Variants in CTU2 observed in about 807,000 individuals in gnomAD.
The protein encoded by CTU2 is cytosolic thiouridylase subunit 2, also known as cytoplasmic tRNA 2-thiolation protein 2.
Under a neutral mutation model 64.1 loss-of-function variants are expected in CTU2, and 80 were observed. The ratio of observed to expected loss-of-function variants is 1.25; its 90% CI spans 1.04 to 1.50. CTU2 has a LOEUF of 1.50. Ranked by LOEUF, CTU2 falls within the 40% of genes most tolerant of loss-of-function variation. The probability of loss-of-function intolerance (pLI) is 0.00; values close to 1 mark genes in which losing one functional copy is unlikely to be tolerated. For missense variants in CTU2, 1,110 were observed against 690.2 expected, an observed-to-expected ratio of 1.61 and a Z score of -6.81; for synonymous variants, 482 against 285.3, an observed-to-expected ratio of 1.69 and a Z score of -6.95.
intron 2 of CTU2, among the ~76,000 whole-genome samples, chr16:88,708,102 C>T (rs1392661250): frequency 6.6e-6 from 1 of 152,208 alleles, no homozygotes; most frequent in African/African-American, 2.4e-5. Context: ...GCATGAGCCA[C>T]CACACCTGGC....
rs1301567993 is a variant in CTU2, at chr16:88,714,625, C to T, written c.1240C>T (p.Leu414Phe). 6 of 1,612,652 alleles carry T rather than the reference C, an allele frequency of 3.7e-6. No homozygotes were observed. Among genetic ancestry groups the T allele is most frequent in the East Asian group, 4.5e-5 (2 of 44,866 alleles). The change falls in exon 12 of 15, where the codon CTC becomes TTC. Residue 414 changes from leucine to phenylalanine, a missense_variant. By Grantham distance (22) the Leu-to-Phe change is conservative (BLOSUM62 0). Transcript: ENST00000453996. The part of the protein sequence containing the change: ...TAFGAQTSSR[L>F]SQMQSPIPLT... ...TTTTGGGGCTCAGACCTCCTCGCGTCTCTCCCAGATGCAGTCACCCATCCC... is the reference window on the plus strand; with the variant it reads ...TTTTGGGGCTCAGACCTCCTCGCGTTTCTCCCAGATGCAGTCACCCATCCC...
rs752182695 is a variant in CTU2 at position 88,713,718 on chromosome 16, C to T, written c.945C>T (p.Val315=). The T allele has an allele frequency of 1.5e-5, 24 of 1,612,558 alleles. No individual in the cohort carries two copies. The highest frequency in any genetic ancestry group is 2.7e-5 in the African/African-American group (2 of 74,928). Residue 315 remains valine (V), a synonymous_variant, in exon 9 of 15, where the codon GTC becomes GTT. Coordinates refer to ENST00000453996, the MANE Select transcript of CTU2 (RefSeq NM_001012759.3). ...TGCGGGACCACACCCTGAAGGAGGT[C>T]GCTTTCTACAACCGCCTGTTCTCCG... ...RPMRDHTLKE[V]AFYNRLFSVP...
In CTU2 at chr16:88,714,731, G is replaced by T. The variant is rs1179273045; in HGVS notation, c.1346G>T (p.Cys449Phe). The change falls in exon 12 of 15, where the codon TGC (cysteine) becomes TTC (phenylalanine). Residue 449 changes from cysteine (C) to phenylalanine (F), a missense_variant. Transcript: ENST00000453996. ...GWAQRCGQGACRREDPQACIE... is the reference protein window; with the variant it reads ...GWAQRCGQGAFRREDPQACIE... Reference sequence around the variant, plus strand: ...GCCCAGCGCTGTGGCCAGGGGGCCTGCAGGAGGTGAGTCCCTGTCCCTGCC... The same window carrying T: ...GCCCAGCGCTGTGGCCAGGGGGCCTTCAGGAGGTGAGTCCCTGTCCCTGCC... The T allele has an allele frequency of 1.2e-6, 2 of 1,607,344 alleles. No individual in the cohort carries two copies. Among genetic ancestry groups the T allele is most frequent in the African/African-American group, 2.7e-5 (2 of 74,802 alleles).
rs1223025667 is a variant in CTU2 at position 88,713,739 on chromosome 16, C to G, written c.966C>G (p.Phe322Leu). The change falls in exon 9 of 15, where the codon TTC becomes TTG. Residue 322 changes from phenylalanine (F) to leucine (L), a missense_variant. Coordinates refer to ENST00000453996, the MANE Select transcript of CTU2 (RefSeq NM_001012759.3). ...AGGTCGCTTTCTACAACCGCCTGTT[C>G]TCCGTTCCTTCTGTCTTCACACCAG... ...LKEVAFYNRL[F>L]SVPSVFTPAV... 8 of 1,612,714 alleles carry G rather than the reference C, an allele frequency of 5.0e-6. No individual in the cohort carries two copies. In the Admixed American group the frequency reaches 5.0e-5, roughly 10 times the overall value.
Position 88,712,797 on chromosome 16 carries a change from C to A in CTU2, c.629C>A (p.Pro210His). The A allele has an allele frequency of 6.2e-7, 1 of 1,608,086 alleles. No homozygotes were observed. The highest frequency in any genetic ancestry group is 8.5e-7 in the Non-Finnish European group (1 of 1,177,956). Reference sequence around the variant, plus strand: ...CAGCCACCCCAGCCCCCGCTGGACCCCCAGAACCTGGCAAGACCGCCTGCC... The same window carrying A: ...CAGCCACCCCAGCCCCCGCTGGACCACCAGAACCTGGCAAGACCGCCTGCC... ...EEQPPQPPLD[P>H]QNLARPPAPA... Residue 210 changes from proline to histidine, a missense_variant, in exon 7 of 15, where the codon CCC (proline) becomes CAC (histidine). By Grantham distance (77) the Pro-to-His change is moderately conservative. Transcript: ENST00000453996.
chr16:88,706,777 A>G, intron 1 of CTU2, 179 bp downstream of exon 1: 1 of 530,672 alleles, frequency 1.9e-6, no homozygotes, highest in South Asian at 2.8e-5. Flanking sequence ...GACTTACTCC[A>G]CTGGCTCGCG....
intron 3 of CTU2, 63 bp downstream of exon 3, chr16:88,710,079 C>G: frequency 6.3e-7 from 1 of 1,588,542 alleles, no homozygotes; most frequent in Non-Finnish European, 8.6e-7. Flanking sequence ...CTGCTTGTCC[C>G]TCCCACAGGC....
chr16:88,713,673 C>A lies in CTU2; in HGVS notation c.900C>A (p.Asp300Glu), dbSNP rs372801841. 4 of 1,612,398 alleles carry A rather than the reference C, an allele frequency of 2.5e-6. No homozygotes were observed. The Admixed American group carries it at 5.0e-5, about 20-fold the overall frequency. The stretch of plus-strand genomic sequence containing the variant: ...GCTTCTCGGATGAGCGGCACGGGGA[C>A]GTGGTGGTGGTGCGGCCCATGCGGG... ...DTGFSDERHG[D>E]VVVVRPMRDH... The change falls in exon 9 of 15, where the codon GAC (aspartate) becomes GAA (glutamate). Residue 300 changes from aspartate (D) to glutamate (E), a missense_variant. Physicochemically the swap from Asp to Glu is conservative, Grantham distance 45 (BLOSUM62 2). Coordinates refer to ENST00000453996, the MANE Select transcript of CTU2 (RefSeq NM_001012759.3).
intron 14 of CTU2, 36 bp downstream of exon 14, chr16:88,715,142 G>A (rs1410551918): frequency 1.9e-6 from 3 of 1,607,942 alleles, no homozygotes; most frequent in Non-Finnish European, 1.7e-6. Context: ...GCGTGGGTAA[G>A]GGGCCTCGGG....
intron 10 of CTU2, 24 bp from the exon 11 acceptor site, chr16:88,714,359 G>A: frequency 6.2e-7 from 1 of 1,611,490 alleles, no homozygotes; most frequent in Non-Finnish European, 8.5e-7. Context: ...TGATTCACCT[G>A]CTCCTCCCAC....
At chr16:88,712,575 AC>A in intron 6 of CTU2, 46 bp from the exon 7 acceptor site, 2 of 1,586,312 alleles carry the variant, frequency 1.3e-6, no homozygotes, top group Non-Finnish European at 1.7e-6. Context: ...TGTGGGGGGC[AC>A]CTGCCCGTGT....
intron 2 of CTU2, among the ~76,000 whole-genome samples, chr16:88,707,661 G>A (rs1419126951): frequency 6.6e-6 from 1 of 152,166 alleles, no homozygotes; most frequent in African/African-American, 2.4e-5. Context: ...CTTTCCCCCA[G>A]GCGCTTGTCA....
rs774126798 is a variant in CTU2, at chr16:88,714,149, C to G, written c.1019C>G (p.Ala340Gly). Residue 340 changes from alanine (A) to glycine (G), a missense_variant, in exon 10 of 15, where the codon GCC (alanine) becomes GGC (glycine). Physicochemically the swap from Ala to Gly is moderately conservative, Grantham distance 60. Transcript: ENST00000453996. ...PAVDTKAPEKASIHRLMEAFI... is the reference protein window; with the variant it reads ...PAVDTKAPEKGSIHRLMEAFI... ...GATTGTCCCTAGGCCCCTGAAAAGG[C>G]CAGCATCCACCGGCTGATGGAGGCC... The G allele has an allele frequency of 5.6e-6, 9 of 1,612,694 alleles. No individual in the cohort carries two copies. The highest frequency in any genetic ancestry group is 5.1e-6 in the Non-Finnish European group (6 of 1,179,896).
intron 2 of CTU2, chr16:88,709,103 T>C (rs1317743171): frequency 1.3e-5 from 2 of 152,182 alleles, no homozygotes; most frequent in African/African-American, 4.8e-5. Flanking sequence ...AGTGAGACCT[T>C]GTCTCTACAA....
Position 88,715,383 on chromosome 16 carries a change from A to AAAAC in CTU2, c.*133_*136dup, listed in dbSNP as rs1354018443. Reference sequence around the variant, plus strand: ...AATAAAACATTTTTTAATTAAAAAAAAAACTCTACAGTACACGTGGGGGAC... The same window carrying AAAAC: ...AATAAAACATTTTTTAATTAAAAAAAAAACAAACTCTACAGTACACGTGGGGGAC... On this transcript the variant is annotated 3_prime_UTR_variant, in exon 15 of 15. Coordinates refer to ENST00000453996, the MANE Select transcript of CTU2 (RefSeq NM_001012759.3). The AAAAC allele has an allele frequency of 2.7e-6, 3 of 1,121,214 alleles. No homozygotes were observed. The African/African-American group carries it at 4.7e-5, about 18-fold the overall frequency. 69.5% of individuals were successfully genotyped at this position (1,121,214 alleles called of 1,614,324 possible).
In CTU2 at chr16:88,714,670, C is replaced by G. The variant is rs548132541; in HGVS notation, c.1285C>G (p.Pro429Ala). The change falls in exon 12 of 15, where the codon CCC (proline) becomes GCC (alanine). Residue 429 changes from proline (P) to alanine (A), a missense_variant. By Grantham distance (27) the Pro-to-Ala change is conservative. Coordinates refer to ENST00000453996, the MANE Select transcript of CTU2 (RefSeq NM_001012759.3). ...CATCCCCCTGACTGAGACCCGGACA[C>G]CCCCGGGGCCCTGCTGTTCTCCAGG... ...SPIPLTETRT[P>A]PGPCCSPGVG... 1.7e-5 allele frequency: 27 copies of G among 1,612,332 alleles called. 1 individual carries two copies. Among genetic ancestry groups the G allele is most frequent in the African/African-American group, 1.5e-4 (11 of 75,030 alleles).
intron 5 of CTU2, 187 bp from the exon 6 acceptor site, chr16:88,712,087 G>C: frequency 1.4e-6 from 1 of 710,126 alleles, no homozygotes. Flanking sequence ...GTTGACTGTA[G>C]CGCTGAGGTC....
chr16:88,714,636 G>T lies in CTU2; in HGVS notation c.1251G>T (p.Met417Ile), dbSNP rs374287518. 1.2e-6 allele frequency: 2 copies of T among 1,612,500 alleles called. No homozygotes were observed. The highest frequency in any genetic ancestry group is 1.7e-5 in the Admixed American group (1 of 59,990). ...GAQTSSRLSQ[M>I]QSPIPLTETR... ...AGACCTCCTCGCGTCTCTCCCAGAT[G>T]CAGTCACCCATCCCCCTGACTGAGA... Residue 417 changes from methionine (M) to isoleucine (I), a missense_variant, in exon 12 of 15, where the codon ATG (methionine) becomes ATT (isoleucine). Physicochemically the swap from Met to Ile is conservative, Grantham distance 10. Coordinates refer to ENST00000453996, the MANE Select transcript of CTU2 (RefSeq NM_001012759.3).
At chr16:88,707,664 G>A (rs1042766680) in intron 2 of CTU2, among the ~76,000 whole-genome samples, 1 of 152,170 alleles carries the variant, frequency 6.6e-6, no homozygotes, top group Non-Finnish European at 1.5e-5. Context: ...TCCCCCAGGC[G>A]CTTGTCATGT....
Sources: gnomAD v4.1 joint callset for allele counts (sites outside exome capture counted in the v4.1 genomes callset) on GRCh38, gnomAD v4.1.1 for gene constraint, MANE v1.5 for transcripts, NCBI Gene and HGNC (gene_info 2026-07-23, HGNC 2026-07-21) for gene names.